ITPR2: variants seen among roughly 807,000 people sequenced by gnomAD.
ITPR2 encodes the protein inositol 1,4,5-trisphosphate-gated calcium channel ITPR2.
Under a neutral mutation model 317.1 loss-of-function variants are expected in ITPR2, and 207 were observed. That is an observed-to-expected ratio of 0.65 (90% CI 0.58 to 0.73). ITPR2 has a LOEUF of 0.73. Among genes scored for constraint, ITPR2 ranks in the 30% least tolerant of loss-of-function variants. The pLI is 0.00. For missense variants in ITPR2, 2,613 were observed against 3,284.0 expected, an observed-to-expected ratio of 0.80 and a Z score of 4.99; for synonymous variants, 1,156 against 1,149.1, an observed-to-expected ratio of 1.01 and a Z score of -0.12.
chr12:26,682,754 T>A, intron 11 of ITPR2, 81 bp from the exon 12 acceptor site: 12 of 788,122 alleles, frequency 1.5e-5, no homozygotes, highest in Non-Finnish European at 2.1e-5. Flanking sequence ...GTTTCATATA[T>A]TATATGAACA....
At chr12:26,514,150 C>T (rs12826581) in intron 37 of ITPR2, among the ~76,000 whole-genome samples, 80,264 of 151,894 alleles carry the variant, frequency 0.53, 22,014 homozygotes, top group South Asian at 0.65. Context: ...AATTCCTTAA[C>T]GTAATCAGCT....
At chr12:26,483,318 C>T (rs1186855999) in intron 42 of ITPR2, among the ~76,000 whole-genome samples, 3 of 152,150 alleles carry the variant, frequency 2.0e-5, no homozygotes, top group South Asian at 2.1e-4. Context: ...GATACCTATT[C>T]ATAAGTTTAT....
intron 2 of ITPR2, among the ~76,000 whole-genome samples, chr12:26,785,861 C>A (rs1950230014): frequency 1.7e-5 from 1 of 57,732 alleles, no homozygotes; most frequent in South Asian, 6.7e-4. Context: ...GCCAGCCGCC[C>A]TATCCAGGAG....
intron 49 of ITPR2, 25 bp downstream of exon 49, chr12:26,427,888 G>T: frequency 6.8e-7 from 1 of 1,471,566 alleles, no homozygotes; most frequent in Non-Finnish European, 9.1e-7. Context: ...TTCTGTAACA[G>T]TACAAAGCTA....
chr12:26,347,277 G>A (rs1400736931), intron 55 of ITPR2, among the ~76,000 whole-genome samples: 1 of 152,152 alleles, frequency 6.6e-6, no homozygotes, highest in Non-Finnish European at 1.5e-5. Flanking sequence ...TATGTTAGGC[G>A]AACATTGGAG....
chr12:26,432,959 T>C (rs1941253981), intron 48 of ITPR2, among the ~76,000 whole-genome samples: 2 of 152,166 alleles, frequency 1.3e-5, no homozygotes, highest in South Asian at 4.1e-4. Flanking sequence ...TTTGACCAAA[T>C]CCAGCATCAG....
chr12:26,759,446 T>C (rs1197666463), intron 2 of ITPR2, among the ~76,000 whole-genome samples: 1 of 152,206 alleles, frequency 6.6e-6, no homozygotes, highest in African/African-American at 2.4e-5. Context: ...CGTAACTGTT[T>C]GCCTCCCCTC....
At chr12:26,764,951 A>G (rs1451445178) in intron 2 of ITPR2, among the ~76,000 whole-genome samples, 5 of 152,198 alleles carry the variant, frequency 3.3e-5, no homozygotes, top group African/African-American at 1.2e-4. Flanking sequence ...AATGAAAAAC[A>G]ATATTTCTGC....
At chr12:26,531,976 G>A (rs1337746223) in intron 37 of ITPR2, among the ~76,000 whole-genome samples, 3 of 152,148 alleles carry the variant, frequency 2.0e-5, no homozygotes, top group Non-Finnish European at 4.4e-5. Flanking sequence ...CGGTAATGCT[G>A]TCTTAAAATA....
intron 37 of ITPR2, among the ~76,000 whole-genome samples, chr12:26,496,118 T>A (rs761388530): frequency 1.5e-4 from 23 of 152,228 alleles, no homozygotes; most frequent in Non-Finnish European, 2.5e-4. Context: ...AAAGAGTGAT[T>A]TAAAAGCATT....
At chr12:26,370,570 G>A (rs905022841) in intron 55 of ITPR2, among the ~76,000 whole-genome samples, 30 of 152,114 alleles carry the variant, frequency 2.0e-4, no homozygotes, top group African/African-American at 5.8e-4. Context: ...TCCCCCATGC[G>A]GAATTTTCAC....
chr12:26,425,826 T>C (rs762496436), intron 49 of ITPR2, among the ~76,000 whole-genome samples: 71 of 152,282 alleles, frequency 4.7e-4, no homozygotes, highest in Non-Finnish European at 6.9e-4. Context: ...TTCTTTCTCA[T>C]AAAGAAAGTG....
At chr12:26,678,272 C>A (rs148753897) in intron 13 of ITPR2, among the ~76,000 whole-genome samples, 82 of 152,242 alleles carry the variant, frequency 5.4e-4, no homozygotes, top group African/African-American at 1.8e-3. Flanking sequence ...CCAGTCCTCT[C>A]TATTTTGTGG....
chr12:26,461,634 A>ATAT (rs1301713796), intron 45 of ITPR2, among the ~76,000 whole-genome samples: 3 of 10,542 alleles, frequency 2.8e-4, no homozygotes, highest in African/African-American at 4.8e-4. Flanking sequence ...ATAAATATAT[A>ATAT]TATATATATA....
At chr12:26,471,127 C>G (rs1942282088) in intron 45 of ITPR2, among the ~76,000 whole-genome samples, 1 of 152,204 alleles carries the variant, frequency 6.6e-6, no homozygotes, top group Non-Finnish European at 1.5e-5. Flanking sequence ...CTTCCTACAG[C>G]TTGCTATCTA....
chr12:26,542,799 C>T (rs1944295788), intron 37 of ITPR2, among the ~76,000 whole-genome samples: 1 of 152,154 alleles, frequency 6.6e-6, no homozygotes, highest in Non-Finnish European at 1.5e-5. Context: ...GTCAGTGTAA[C>T]ATTAACAGAT....
intron 37 of ITPR2, among the ~76,000 whole-genome samples, chr12:26,545,597 G>A (rs1944376832): frequency 6.6e-6 from 1 of 152,100 alleles, no homozygotes; most frequent in Admixed American, 6.6e-5. Flanking sequence ...AAATTTGTGT[G>A]GTTTTACACA....
intron 53 of ITPR2, 60 bp from the exon 54 acceptor site, chr12:26,399,101 C>A: frequency 8.5e-7 from 1 of 1,171,714 alleles, no homozygotes; most frequent in South Asian, 1.7e-5. Context: ...CACTGTCTAG[C>A]ATAGAGAGTA....
chr12:26,544,520 T>A (rs1232947867), intron 37 of ITPR2, among the ~76,000 whole-genome samples: 2 of 151,706 alleles, frequency 1.3e-5, no homozygotes, highest in African/African-American at 4.8e-5. Context: ...TGAAGCAAAT[T>A]TATGCTTCAT....
Sources: allele counts gnomAD v4.1 joint callset (sites outside exome capture counted in the v4.1 genomes callset), GRCh38; gene constraint gnomAD v4.1.1; transcripts MANE v1.5; gene names NCBI Gene and HGNC (gene_info 2026-07-23, HGNC 2026-07-21).